Variants in CUL4B observed in about 807,000 individuals in gnomAD.
CUL4B encodes the protein cullin-4B.
A neutral mutation model predicts 69.2 loss-of-function variants in CUL4B; 1 was observed. The observed-to-expected ratio is 0.01, with a 90% CI of 0.01 to 0.07. The LOEUF (loss-of-function observed/expected upper bound fraction) is 0.07, where lower values mean the gene tolerates loss of function less well. Among genes scored for constraint, CUL4B ranks in the 10% least tolerant of loss-of-function variants. The pLI is 1.00. For missense variants in CUL4B, 328 were observed against 638.8 expected (o/e 0.51, Z 5.24); for synonymous variants, 237 against 223.2 (o/e 1.06, Z -0.55).
At chrX:120,562,414 T>G (rs1052798212), upstream of CUL4B, among the ~76,000 whole-genome samples, 3 of 112,401 alleles carry the variant, frequency 2.7e-5, no homozygotes, top group Non-Finnish European at 5.6e-5. Flanking sequence ...TATCAAAAAC[T>G]AAATTTGCCA....
chrX:120,545,246 T>C (rs1241932399), intron 5 of CUL4B, among the ~76,000 whole-genome samples, 198 bp downstream of exon 5: 2 of 112,145 alleles, frequency 1.8e-5, no homozygotes, highest in Admixed American at 1.9e-4. Context: ...AATTAATATA[T>C]GCCCAGGGAA....
Position 120,530,542 on chromosome X carries a change from A to T in CUL4B, c.2440-288T>A, listed in dbSNP as rs575733603. On this transcript the variant is annotated intron_variant, in intron 18 of 19. Transcript: ENST00000371322. ...AGTAGAGATAGCTGATGTGGAATTT[A>T]CCATTTTGTTTTTTTACTCTGTCTT... Among the ~76,000 whole-genome samples, 6 of 111,976 alleles carry T rather than the reference A, an allele frequency of 5.4e-5. No homozygotes were observed. The South Asian group carries it at 2.2e-3, about 41-fold the overall frequency.
At chrX:120,534,704 T>C (rs1923544095) in intron 16 of CUL4B, 118 bp from the exon 17 acceptor site, 2 of 537,002 alleles carry the variant, frequency 3.7e-6, no homozygotes, top group Admixed American at 2.6e-5. Flanking sequence ...ATTAGCATTA[T>C]CCAGCAAAGC....
intron 17 of CUL4B, 126 bp from the exon 18 acceptor site, chrX:120,532,720 A>G: frequency 3.2e-6 from 2 of 630,153 alleles, no homozygotes. Flanking sequence ...GGTCACCAAC[A>G]ACTTTTCTTT....
At chrX:120,566,383 A>ATATATATG (rs1305874538), upstream of CUL4B, among the ~76,000 whole-genome samples, 1 of 65,464 alleles carries the variant, frequency 1.5e-5, no homozygotes, top group Non-Finnish European at 3.3e-5. Context: ...ATATATATAT[A>ATATATATG]TATATATGTA....
chrX:120,550,911 TAC>T (rs1353038012), intron 2 of CUL4B, among the ~76,000 whole-genome samples: 4 of 111,393 alleles, frequency 3.6e-5, no homozygotes, highest in African/African-American at 1.3e-4. Context: ...AATAAAAACA[TAC>T]ACAGTCGTTT....
In CUL4B at chrX:120,527,484, A is replaced by G. The variant is rs192290446; in HGVS notation, c.2593-628T>C. 3.2e-3 allele frequency among the ~76,000 whole-genome samples: 356 copies of G among 110,067 alleles called. 1 individual carries two copies. Among genetic ancestry groups the G allele is most frequent in the African/African-American group, 0.011 (345 of 30,229 alleles). ...TGACCTTAAACTCTTGTTCTGGAGT[A>G]ATCCCCCCAGCCTCAGCCTCCCAAA... On this transcript the variant is annotated intron_variant, in intron 19 of 19. Coordinates refer to ENST00000371322, the MANE Select transcript of CUL4B (RefSeq NM_001079872.2).
At chrX:120,527,781 A>G (rs1238437784) in intron 19 of CUL4B, among the ~76,000 whole-genome samples, 2 of 112,051 alleles carry the variant, frequency 1.8e-5, no homozygotes, top group African/African-American at 3.2e-5. Context: ...AAAGTTTCCA[A>G]TTTTAGAGCA....
rs184987834 is a variant in CUL4B at position 120,550,730 on chromosome X, A to G, written c.673-3491T>C. Among the ~76,000 whole-genome samples the G allele has an allele frequency of 1.3e-4, 15 of 111,727 alleles. No individual in the cohort carries two copies. In the East Asian group the frequency reaches 3.9e-3, roughly 29 times the overall value. On this transcript the variant is annotated intron_variant, in intron 2 of 19. Coordinates refer to ENST00000371322, the MANE Select transcript of CUL4B (RefSeq NM_001079872.2). Reference sequence around the variant, plus strand: ...AGGGAACATTCTGTTTTTCTAATTTAGCCTTGACTGCTTAACCTATAGACC... The same window carrying G: ...AGGGAACATTCTGTTTTTCTAATTTGGCCTTGACTGCTTAACCTATAGACC...
downstream of CUL4B, among the ~76,000 whole-genome samples, chrX:120,568,287 A>G (rs756814955): frequency 8.9e-6 from 1 of 111,888 alleles, no homozygotes; most frequent in Admixed American, 9.5e-5. Flanking sequence ...CCTAGGGCCA[A>G]TCCTGCTTTT....
At chrX:120,544,231 CATTT>C (rs759472167) in intron 6 of CUL4B, 28 bp from the exon 7 acceptor site, 1 of 1,040,850 alleles carries the variant, frequency 9.6e-7, no homozygotes, top group South Asian at 1.9e-5. Flanking sequence ...TGAAGGAGAT[CATTT>C]ATTTAGCAAA....
At position 120,556,232 on chromosome X, in the gene CUL4B, C is replaced by T. The variant is rs186799569; in HGVS notation, c.672+1692G>A. 3.3e-3 allele frequency among the ~76,000 whole-genome samples: 366 copies of T among 111,486 alleles called. 1 individual carries two copies. Among genetic ancestry groups the T allele is most frequent in the African/African-American group, 0.012 (355 of 30,658 alleles). On this transcript the variant is annotated intron_variant, in intron 2 of 19. Transcript: ENST00000371322. The stretch of plus-strand genomic sequence containing the variant: ...ATAGCTTAGTACTACAACTACTAGC[C>T]GACATTTGCATAGCATTATAATGCT...
Position 120,526,641 on chromosome X carries a change from T to C in CUL4B, c.*120A>G. On this transcript the variant is annotated 3_prime_UTR_variant, in exon 20 of 20. Transcript: ENST00000371322. Reference sequence around the variant, plus strand: ...GAAAAAGTCCACTCAACTATTTCCATTAATTACACTGCTTCATTTGGTCAT... The same window carrying C: ...GAAAAAGTCCACTCAACTATTTCCACTAATTACACTGCTTCATTTGGTCAT... The C allele has an allele frequency of 2.1e-6, 1 of 479,751 alleles. No homozygotes were observed. Among genetic ancestry groups the C allele is most frequent in the Non-Finnish European group, 3.8e-6 (1 of 265,165 alleles). The allele number at this position is 479,751 out of a possible 1,213,427, so 39.5% of individuals were successfully genotyped here.
intron 1 of CUL4B, 145 bp from the exon 2 acceptor site, chrX:120,558,184 T>C (rs1265034458): frequency 2.3e-6 from 1 of 431,175 alleles, no homozygotes; most frequent in African/African-American, 2.5e-5. Context: ...AACCACTGTA[T>C]TTAAGCTTAA....
chrX:120,574,642 AAC>A, intron 1 of CUL4B: 1 of 1,140,273 alleles, frequency 8.8e-7, no homozygotes. Context: ...TACGATAGAA[AAC>A]AGAGAATTCA....
At chrX:120,566,354 T>TATATAC (rs1556252910), upstream of CUL4B, among the ~76,000 whole-genome samples, 1 of 35,572 alleles carries the variant, frequency 2.8e-5, no homozygotes, top group Non-Finnish European at 5.5e-5. Context: ...GGTATATATA[T>TATATAC]ATATATATAT....
Position 120,574,554 on chromosome X carries a change from CGTCTTTAGAGGTAGTA to C in CUL4B, c.48_63del (p.Thr17ValfsTer4). 1 of 1,200,124 alleles carries C rather than the reference CGTCTTTAGAGGTAGTA, an allele frequency of 8.3e-7. No individual in the cohort carries two copies. The highest frequency in any genetic ancestry group is 1.1e-6 in the Non-Finnish European group (1 of 884,880). ...TTTTACTAGTTCATTTACTCACCAC[CGTCTTTAGAGGTAGTA>C]GCCTCATCATCATTCCCATCTCCTG... On this transcript the variant is annotated frameshift_variant, in exon 2 of 3. Coordinates refer to the CUL4B transcript ENST00000486604. LOFTEE classifies it high-confidence loss of function.
At chrX:120,540,792 T>G (rs1923942597) in intron 10 of CUL4B, among the ~76,000 whole-genome samples, 1 of 112,091 alleles carries the variant, frequency 8.9e-6, no homozygotes, top group Non-Finnish European at 1.9e-5. Context: ...CATGTACCAC[T>G]GCACCTGGCA....
At chrX:120,527,376 C>T (rs1481017352) in intron 19 of CUL4B, among the ~76,000 whole-genome samples, 3 of 110,826 alleles carry the variant, frequency 2.7e-5, no homozygotes, top group African/African-American at 9.8e-5. Context: ...GATTCTTTAA[C>T]GCCAAAAGTG....
Sources: gnomAD v4.1 joint callset for allele counts (sites outside exome capture counted in the v4.1 genomes callset) on GRCh38, gnomAD v4.1.1 for gene constraint, MANE v1.5 for transcripts, NCBI Gene and HGNC (gene_info 2026-07-23, HGNC 2026-07-21) for gene names.